The following LRRC27 variants were observed in gnomAD, a reference collection of about 807,000 sequenced individuals.
The protein encoded by LRRC27 is leucine rich repeat containing 27.
In LRRC27, 57 loss-of-function variants were observed where a neutral mutation model predicts 55.0. The observed-to-expected ratio is 1.04, with a 90% CI of 0.84 to 1.29. LRRC27 has a LOEUF of 1.29. Ranked by LOEUF, LRRC27 falls within the 50% of genes most tolerant of loss-of-function variation. The pLI, the probability that LRRC27 is intolerant of heterozygous loss-of-function variation, is 0.00. For missense variants in LRRC27, 721 were observed against 651.5 expected (o/e 1.11, Z -1.16); for synonymous variants, 278 against 251.9 (o/e 1.10, Z -0.98).
chr10:132,371,311 A>G (rs2069210717), intron 10 of LRRC27, among the ~76,000 whole-genome samples: 1 of 152,216 alleles, frequency 6.6e-6, no homozygotes, highest in African/African-American at 2.4e-5. Flanking sequence ...AGTCCAGCCC[A>G]TGAGCCAGGA....
intron 5 of LRRC27, among the ~76,000 whole-genome samples, chr10:132,346,579 G>A (rs2132872100): frequency 6.6e-6 from 1 of 152,320 alleles, no homozygotes; most frequent in East Asian, 1.9e-4. Flanking sequence ...GGGAGGCTGA[G>A]GCAGGAGAAT....
At chr10:132,364,598 AGTC>A (rs2068915468) in intron 9 of LRRC27, among the ~76,000 whole-genome samples, 1 of 25,876 alleles carries the variant, frequency 3.9e-5, no homozygotes, top group African/African-American at 1.3e-4. Context: ...ACACTCAGGC[AGTC>A]CGCGTCCACG....
chr10:132,366,249 GT>G (rs930820374), intron 10 of LRRC27: 2 of 153,362 alleles, frequency 1.3e-5, no homozygotes, highest in African/African-American at 4.8e-5. Flanking sequence ...GCAGAGAGGG[GT>G]CTGGCTGAGG....
At position 132,337,683 on chromosome 10, in the gene LRRC27, T is replaced by C; in HGVS notation, c.329T>C (p.Ile110Thr). The C allele has an allele frequency of 6.2e-7, 1 of 1,614,100 alleles. No individual in the cohort carries two copies. Among genetic ancestry groups the C allele is most frequent in the Non-Finnish European group, 8.5e-7 (1 of 1,179,990 alleles). The change falls in exon 3 of 11, where the codon ATT (isoleucine) becomes ACT (threonine). Residue 110 changes from isoleucine (I) to threonine (T), a missense_variant. Transcript: ENST00000368614. Reference sequence around the variant, plus strand: ...AGAATTAAAGCGCTTCCTTCTGGGATTGGAGCTCACCAGTAAGTTGTTTAT... The same window carrying C: ...AGAATTAAAGCGCTTCCTTCTGGGACTGGAGCTCACCAGTAAGTTGTTTAT... ...YNRIKALPSG[I>T]GAHQHLKTLL...
chr10:132,331,663 T>C (rs775905855), upstream of LRRC27: 77 of 1,612,690 alleles, frequency 4.8e-5, no homozygotes, highest in Non-Finnish European at 6.2e-5. Context: ...CAGCAGCAAT[T>C]CTTTTCTGCT....
At chr10:132,370,555 T>C (rs1590735604) in intron 10 of LRRC27, among the ~76,000 whole-genome samples, 1 of 152,096 alleles carries the variant, frequency 6.6e-6, no homozygotes, top group African/African-American at 2.4e-5. Flanking sequence ...GTGTTGGCTG[T>C]CCACAAGCTC....
rs1160558594 is a variant in LRRC27, at chr10:132,377,311, C to G, written c.*2069C>G. On this transcript the variant is annotated 3_prime_UTR_variant, in exon 11 of 11. Coordinates refer to ENST00000368614, the MANE Select transcript of LRRC27 (RefSeq NM_030626.3). ...TCATGTTTTTATTCCCTTTATTCTT[C>G]TTTTGCTGCTTTCTGATAGTGATCA... The G allele has an allele frequency of 6.6e-6, 1 of 152,178 alleles. No homozygotes were observed. Among genetic ancestry groups the G allele is most frequent in the Admixed American group, 6.5e-5 (1 of 15,276 alleles). The allele number at this position is 152,178 out of a possible 1,614,324, so 9.4% of individuals were successfully genotyped here.
intron 4 of LRRC27, among the ~76,000 whole-genome samples, chr10:132,342,701 A>G (rs2067475219): frequency 6.6e-6 from 1 of 152,216 alleles, no homozygotes; most frequent in African/African-American, 2.4e-5. Context: ...TGACAGACAA[A>G]TCAAACAAGC....
At chr10:132,343,614 A>G (rs1001565451) in intron 4 of LRRC27, among the ~76,000 whole-genome samples, 3 of 152,228 alleles carry the variant, frequency 2.0e-5, no homozygotes, top group Non-Finnish European at 4.4e-5. Context: ...CTGTTTTCCA[A>G]CTGGACCAGT....
chr10:132,337,801 TAG>T, intron 3 of LRRC27, 106 bp downstream of exon 3: 1 of 1,315,902 alleles, frequency 7.6e-7, no homozygotes, highest in Non-Finnish European at 1.0e-6. Flanking sequence ...TACCTCGGAA[TAG>T]AAACATTTAA....
rs1175972309 is a variant in LRRC27 at position 132,375,522 on chromosome 10, A to G, written c.*280A>G. ...CCAAGCCATGTGACAGAGTGCTCAC[A>G]CTCAGGCACTTGCCTCTCTCCTGTC... On this transcript the variant is annotated 3_prime_UTR_variant, in exon 11 of 11. Coordinates refer to ENST00000368614, the MANE Select transcript of LRRC27 (RefSeq NM_030626.3). The G allele has an allele frequency of 6.0e-6, 2 of 331,076 alleles. No homozygotes were observed. The highest frequency in any genetic ancestry group is 2.1e-5 in the African/African-American group (1 of 47,014). The allele number at this position is 331,076 out of a possible 1,614,324, so 20.5% of individuals were successfully genotyped here.
At chr10:132,365,624 CAG>C (rs2069042275) in intron 10 of LRRC27, 74 bp downstream of exon 10, 3 of 1,539,024 alleles carry the variant, frequency 1.9e-6, no homozygotes, top group South Asian at 1.2e-5. Flanking sequence ...TTTTTTGAGA[CAG>C]AGTCTTGTTC....
chr10:132,332,799 T>A (rs1317715281), intron 1 of LRRC27, among the ~76,000 whole-genome samples: 1 of 152,116 alleles, frequency 6.6e-6, no homozygotes, highest in East Asian at 1.9e-4. Flanking sequence ...ATCATTGGGC[T>A]GTTGAGTGAC....
chr10:132,372,604 C>T lies in LRRC27; in HGVS notation c.1417-2462C>T, dbSNP rs532678601. On this transcript the variant is annotated intron_variant, in intron 10 of 10. Coordinates refer to ENST00000368614, the MANE Select transcript of LRRC27 (RefSeq NM_030626.3). This position sits in a 1 kb window ranked among gnomAD's most constrained non-coding sequence, Gnocchi z 4.0. ...AAGGAAGCGGAGTCTATACAGGTCA[C>T]GCCAGGGCCCTGGGTCTGCTTCCCT... is the stretch of plus-strand genomic sequence containing the variant. Among the ~76,000 whole-genome samples the T allele has an allele frequency of 1.4e-4, 21 of 152,250 alleles. No individual in the cohort carries two copies. The highest frequency in any genetic ancestry group is 4.3e-4 in the African/African-American group (18 of 41,542).
At chr10:132,371,523 T>G (rs1044828150) in intron 10 of LRRC27, among the ~76,000 whole-genome samples, 1 of 152,166 alleles carries the variant, frequency 6.6e-6, no homozygotes, top group Admixed American at 6.5e-5. Context: ...AAAAACGACC[T>G]TCACTCCTCA....
chr10:132,339,861 C>CT (rs2067320028), intron 3 of LRRC27, among the ~76,000 whole-genome samples: 1 of 152,162 alleles, frequency 6.6e-6, no homozygotes, highest in Non-Finnish European at 1.5e-5. Flanking sequence ...ATTTGAAATT[C>CT]TTTGATTTTG....
chr10:132,348,110 A>G lies in LRRC27; in HGVS notation c.680A>G (p.Glu227Gly), dbSNP rs1173541137. The stretch of plus-strand genomic sequence containing the variant: ...GACCCAGAGGGGGCTGTGATGAAAG[A>G]GAAGGCCAGCTTTCTCCCACCTGTG... ...AQDPEGAVMK[E>G]KASFLPPVEK... The change falls in exon 6 of 11, where the codon GAG becomes GGG. Residue 227 changes from glutamate to glycine, a missense_variant. Physicochemically the swap from Glu to Gly is moderately conservative, Grantham distance 98. Transcript: ENST00000368614. The surrounding 1 kb of genome is among the most constrained non-coding windows in gnomAD (Gnocchi z 4.2). The G allele has an allele frequency of 6.2e-7, 1 of 1,614,126 alleles. No homozygotes were observed. The highest frequency in any genetic ancestry group is 1.1e-5 in the South Asian group (1 of 91,078).
intron 5 of LRRC27, 72 bp downstream of exon 5, chr10:132,344,722 C>T: frequency 4.6e-6 from 7 of 1,530,744 alleles, no homozygotes; most frequent in Non-Finnish European, 5.4e-6. Context: ...AGGGCAGAAC[C>T]TGTCTTCTCT....
At chr10:132,363,481 T>C (rs2497652) in intron 9 of LRRC27, among the ~76,000 whole-genome samples, 126,822 of 152,184 alleles carry the variant, frequency 0.83, 53,153 homozygotes, top group African/African-American at 0.91. Context: ...GCATTTCCCA[T>C]GCCGACTCTT....
Sources: allele counts gnomAD v4.1 joint callset (sites outside exome capture counted in the v4.1 genomes callset), GRCh38; gene constraint gnomAD v4.1.1; non-coding constraint Gnocchi (gnomAD v3.1); transcripts MANE v1.5; gene names NCBI Gene and HGNC (gene_info 2026-07-23, HGNC 2026-07-21).